The following SPATA9 variants were observed in gnomAD, a reference collection of about 807,000 sequenced individuals.
SPATA9 encodes the protein spermatogenesis associated 9, also known as spermatogenesis-associated protein 9.
In SPATA9, 27 loss-of-function variants were observed where a neutral mutation model predicts 25.5. The ratio of observed to expected loss-of-function variants is 1.06; its 90% CI spans 0.78 to 1.46. The LOEUF (loss-of-function observed/expected upper bound fraction) is 1.46, where lower values mean the gene tolerates loss of function less well. Ranked by LOEUF, SPATA9 falls within the 40% of genes most tolerant of loss-of-function variation. The pLI is 0.00. For missense variants in SPATA9, 282 were observed against 297.5 expected (o/e 0.95, Z 0.38); for synonymous variants, 102 against 105.7 (o/e 0.97, Z 0.21).
At chr5:95,664,133 A>C in intron 3 of SPATA9, 85 bp from the exon 4 acceptor site, 1 of 719,050 alleles carries the variant, frequency 1.4e-6, no homozygotes, top group Non-Finnish European at 2.1e-6. Flanking sequence ...GTAAAATGAG[A>C]ATTTATTTTT....
chr5:95,716,511 C>T, the SPATA9 span, among the ~76,000 whole-genome samples: 6 of 152,210 alleles, frequency 3.9e-5, no homozygotes, highest in East Asian at 1.9e-4. Flanking sequence ...GTCTGTACCC[C>T]CATTGTATCT....
In SPATA9 at chr5:95,658,349, T is replaced by A. The variant is rs1347199184; in HGVS notation, c.*274A>T. On this transcript the variant is annotated 3_prime_UTR_variant, in exon 5 of 5. Coordinates refer to ENST00000274432, the MANE Select transcript of SPATA9 (RefSeq NM_031952.4). ...AACATTAATGTATTATAAATATGCT[T>A]ATATTATAAACCACAGTGTAAAGTC... 4.1e-6 allele frequency: 1 copy of A among 244,012 alleles called. No homozygotes were observed. The highest frequency in any genetic ancestry group is 7.8e-6 in the Non-Finnish European group (1 of 127,866). 15.1% of individuals were successfully genotyped at this position (244,012 alleles called of 1,614,324 possible).
chr5:95,730,135 T>C, the SPATA9 span, among the ~76,000 whole-genome samples: 1 of 151,890 alleles, frequency 6.6e-6, no homozygotes, highest in African/African-American at 2.4e-5. Context: ...ATATCCTCTC[T>C]GAGCACGAGA....
downstream of SPATA9, chr5:95,656,041 C>G (rs1750736501): frequency 6.2e-7 from 1 of 1,611,190 alleles, no homozygotes; most frequent in South Asian, 1.1e-5. Flanking sequence ...TATTCTCTTC[C>G]CCAGGATTTT....
chr5:95,659,010 A>T, intron 4 of SPATA9, 97 bp from the exon 5 acceptor site: 1 of 1,418,170 alleles, frequency 7.1e-7, no homozygotes, highest in Non-Finnish European at 9.4e-7. Context: ...AAAGTCATTT[A>T]ATCTACATAA....
chr5:95,656,310 TAAAA>T, downstream of SPATA9: 1 of 1,595,138 alleles, frequency 6.3e-7, no homozygotes, highest in South Asian at 1.1e-5. Flanking sequence ...TTCTTCCTGA[TAAAA>T]AATATATAGA....
the SPATA9 span, chr5:95,731,551 G>A: frequency 1.9e-5 from 27 of 1,444,226 alleles, no homozygotes; most frequent in Admixed American, 2.6e-5. Flanking sequence ...CGGCCCCGCC[G>A]CGGTGGAGGC....
chr5:95,728,236 T>C, the SPATA9 span, among the ~76,000 whole-genome samples: 1 of 152,184 alleles, frequency 6.6e-6, no homozygotes, highest in Non-Finnish European at 1.5e-5. Context: ...CAGAAATCTC[T>C]TGGGAAGCCT....
downstream of SPATA9, chr5:95,656,214 G>A (rs780581345): frequency 9.3e-6 from 15 of 1,613,686 alleles, no homozygotes; most frequent in Admixed American, 1.0e-4. Context: ...AGTAGACAAC[G>A]GAAATATTTA....
chr5:95,710,592 C>T, the SPATA9 span, among the ~76,000 whole-genome samples: 5 of 152,120 alleles, frequency 3.3e-5, no homozygotes, highest in African/African-American at 1.2e-4. Context: ...GAGTAAGCAC[C>T]CCTTTAGCAA....
chr5:95,656,029 G>A (rs1177708876), downstream of SPATA9: 2 of 1,609,032 alleles, frequency 1.2e-6, no homozygotes, highest in South Asian at 1.1e-5. Context: ...TATTAAATGA[G>A]TTATTCTCTT....
chr5:95,692,832 AG>A (rs1022507877), intron 1 of SPATA9, among the ~76,000 whole-genome samples: 1 of 152,154 alleles, frequency 6.6e-6, no homozygotes, highest in African/African-American at 2.4e-5. Flanking sequence ...TCTGATTTCA[AG>A]GTTTTCTTTG....
chr5:95,660,516 A>G (rs1436513131), intron 4 of SPATA9, among the ~76,000 whole-genome samples: 1 of 152,226 alleles, frequency 6.6e-6, no homozygotes, highest in Non-Finnish European at 1.5e-5. Flanking sequence ...TCATTCAGAT[A>G]TCCTTTGTTA....
chr5:95,721,186 G>C, the SPATA9 span, among the ~76,000 whole-genome samples: 3 of 152,220 alleles, frequency 2.0e-5, no homozygotes, highest in Non-Finnish European at 2.9e-5. Context: ...AGATTTTAGG[G>C]ATGGGAATAG....
downstream of SPATA9, chr5:95,656,387 T>C: frequency 8.0e-7 from 1 of 1,249,174 alleles, no homozygotes; most frequent in Non-Finnish European, 1.1e-6. Context: ...GTTTTAAAGG[T>C]GATGAAATTT....
chr5:95,665,114 T>A (rs1282528172), intron 3 of SPATA9, among the ~76,000 whole-genome samples: 1 of 152,214 alleles, frequency 6.6e-6, no homozygotes, highest in East Asian at 1.9e-4. Context: ...AGGAGTACAA[T>A]TTGATGTTCC....
chr5:95,731,527 G>A, the SPATA9 span: 1 of 1,345,960 alleles, frequency 7.4e-7, no homozygotes, highest in Non-Finnish European at 9.5e-7. Context: ...CGCGGCCCCG[G>A]CCCCGCTCTG....
rs576306492 is a variant in SPATA9, at chr5:95,682,833, A to C, written c.22T>G (p.Trp8Gly). 1.3e-6 allele frequency: 2 copies of C among 1,544,684 alleles called. No individual in the cohort carries two copies. The highest frequency in any genetic ancestry group is 4.2e-5 in the Admixed American group (2 of 47,132). Residue 8 changes from tryptophan (W) to glycine (G), a missense_variant, in exon 1 of 5, where the codon TGG becomes GGG. Coordinates refer to ENST00000274432, the MANE Select transcript of SPATA9 (RefSeq NM_031952.4). Reference protein sequence around the residue: MPIKPVGWICGQVLKNFS... With the variant: MPIKPVGGICGQVLKNFS... The stretch of plus-strand genomic sequence containing the variant: ...TTCTTCAACACCTGCCCACATATCC[A>C]CCCAACAGGTTTGATTGGCATGGTG...
At chr5:95,687,575 ATTC>A (rs1416077493), upstream of SPATA9, among the ~76,000 whole-genome samples, 1 of 152,224 alleles carries the variant, frequency 6.6e-6, no homozygotes, top group Non-Finnish European at 1.5e-5. Context: ...TAACATTTTG[ATTC>A]TTCTTAAAAA....
Sources: allele counts gnomAD v4.1 joint callset (sites outside exome capture counted in the v4.1 genomes callset), GRCh38; gene constraint gnomAD v4.1.1; transcripts MANE v1.5; gene names NCBI Gene and HGNC (gene_info 2026-07-23, HGNC 2026-07-21).